CHD6: variants seen among roughly 807,000 people sequenced by gnomAD.
CHD6 encodes ATP-dependent chromatin remodeler CHD6.
Under a neutral mutation model 276.9 loss-of-function variants are expected in CHD6, and 50 were observed. The observed-to-expected ratio is 0.18, with a 90% CI of 0.14 to 0.23. CHD6 has a LOEUF of 0.23. Ranked by LOEUF, CHD6 falls within the 10% of genes least tolerant of loss-of-function variation. The probability of loss-of-function intolerance (pLI) is 1.00; values close to 1 mark genes in which losing one functional copy is unlikely to be tolerated. For synonymous variants in CHD6, 1,173 were observed against 1,229.3 expected (o/e 0.95, Z 0.96); for missense variants, 2,564 against 3,365.8 (o/e 0.76, Z 5.89).
intron 16 of CHD6, chr20:41,482,504 T>C: frequency 2.0e-6 from 1 of 506,978 alleles, no homozygotes; most frequent in South Asian, 1.5e-5. Context: ...AATAAGAACA[T>C]CTGTTAAGAC....
At chr20:41,475,382 A>G (rs1031639464) in intron 16 of CHD6, among the ~76,000 whole-genome samples, 1 of 152,232 alleles carries the variant, frequency 6.6e-6, no homozygotes, top group African/African-American at 2.4e-5. Flanking sequence ...AAGCTTTCAC[A>G]CTGTACCTTA....
intron 22 of CHD6, 43 bp from the exon 23 acceptor site, chr20:41,451,148 G>A: frequency 6.3e-7 from 1 of 1,575,002 alleles, no homozygotes. Flanking sequence ...TAGCCAAGGG[G>A]GGTGTTACAC....
Position 41,455,989 on chromosome 20 carries a change from T to C in CHD6, c.2830-10A>G. On this transcript the variant is annotated splice_polypyrimidine_tract_variant and intron_variant, in intron 18 of 36. Transcript: ENST00000373233. The stretch of plus-strand genomic sequence containing the variant: ...TTGAGAGCTGCTGTACCTGGACAGG[T>C]CACCAAAGGCTACTCACAAAGTGGA... 1.3e-6 allele frequency: 2 copies of C among 1,512,246 alleles called. No individual in the cohort carries two copies. Among genetic ancestry groups the C allele is most frequent in the Non-Finnish European group, 1.8e-6 (2 of 1,130,376 alleles). 93.7% of individuals were successfully genotyped at this position (1,512,246 alleles called of 1,614,324 possible).
At chr20:41,586,588 T>A (rs2045597807) in intron 1 of CHD6, among the ~76,000 whole-genome samples, 1 of 152,132 alleles carries the variant, frequency 6.6e-6, no homozygotes, top group Non-Finnish European at 1.5e-5. Flanking sequence ...CCCACCACCA[T>A]CTTGGGAGCT....
intron 1 of CHD6, 78 bp downstream of exon 1, chr20:41,618,262 G>A (rs1255323299): frequency 6.6e-6 from 1 of 151,916 alleles, no homozygotes; most frequent in Non-Finnish European, 1.5e-5. Flanking sequence ...CGGCCGGCGG[G>A]GCGGGGCCGG....
At chr20:41,612,604 G>T (rs1197510102) in intron 1 of CHD6, among the ~76,000 whole-genome samples, 1 of 152,268 alleles carries the variant, frequency 6.6e-6, no homozygotes, top group Middle Eastern at 3.4e-3. Flanking sequence ...CTATAATAAA[G>T]TCTCTGTGTT....
chr20:41,505,453 C>A (rs890673248), intron 5 of CHD6, among the ~76,000 whole-genome samples: 1 of 152,138 alleles, frequency 6.6e-6, no homozygotes, highest in Non-Finnish European at 1.5e-5. Context: ...CCAGAACAGT[C>A]TCTTTTGTTT....
At position 41,416,689 on chromosome 20, in the gene CHD6, C is replaced by T. The variant is rs776886283; in HGVS notation, c.6385G>A (p.Val2129Ile). The change falls in exon 33 of 37, where the codon GTA (valine) becomes ATA (isoleucine). Residue 2129 changes from valine to isoleucine, a missense_variant. Val to Ile is a conservative substitution (Grantham distance 29, BLOSUM62 3). Around this residue, in one of 7 missense-constraint regions of CHD6, gnomAD observed 1,024 missense variants for 1,047.9 expected, o/e 0.98. Transcript: ENST00000373233. Reference protein sequence around the residue: ...YEPSGTLPTPVLTSSAGSRTS... With the variant: ...YEPSGTLPTPILTSSAGSRTS... ...CGAGAACCAGCACTGCTGGTTAATA[C>T]CGGGGTGGGCAGTGTGCCTGAGGGC... 4.3e-6 allele frequency: 7 copies of T among 1,614,122 alleles called. No individual in the cohort carries two copies. The South Asian group carries it at 4.4e-5, about 10-fold the overall frequency.
At position 41,416,714 on chromosome 20, in the gene CHD6, C is replaced by T. The variant is rs763528899; in HGVS notation, c.6360G>A (p.Glu2120=). ...CCGGGGTGGGCAGTGTGCCTGAGGG[C>T]TCATACTGCTGGCTAGAGGGCCACT... The part of the protein sequence containing the change: ...KGKWPSSQQY[E]PSGTLPTPVL... Residue 2120 remains glutamate (E), a synonymous_variant, in exon 33 of 37, where the codon GAG becomes GAA. Coordinates refer to ENST00000373233, the MANE Select transcript of CHD6 (RefSeq NM_032221.5). 1.2e-6 allele frequency: 2 copies of T among 1,613,724 alleles called. No individual in the cohort carries two copies. The highest frequency in any genetic ancestry group is 1.7e-6 in the Non-Finnish European group (2 of 1,179,852).
intron 1 of CHD6, among the ~76,000 whole-genome samples, chr20:41,588,034 A>G (rs568221263): frequency 7.2e-5 from 11 of 152,160 alleles, no homozygotes; most frequent in South Asian, 4.1e-4. Flanking sequence ...CAGAAGCTAT[A>G]AAGTAGAGGC....
At chr20:41,617,532 C>G (rs2045944856) in intron 1 of CHD6, among the ~76,000 whole-genome samples, 1 of 152,306 alleles carries the variant, frequency 6.6e-6, no homozygotes. Flanking sequence ...TCTGCACATC[C>G]GATAGGCATG....
intron 1 of CHD6, among the ~76,000 whole-genome samples, chr20:41,577,983 C>G (rs924004023): frequency 6.6e-6 from 1 of 152,098 alleles, no homozygotes; most frequent in Non-Finnish European, 1.5e-5. Context: ...ACATAGAAAA[C>G]ACTACATGAG....
chr20:41,466,154 G>C (rs1363725896), intron 17 of CHD6, among the ~76,000 whole-genome samples: 1 of 152,080 alleles, frequency 6.6e-6, no homozygotes, highest in African/African-American at 2.4e-5. Context: ...GTGAGCCGAG[G>C]TTGCGTCACT....
chr20:41,451,796 C>T, intron 22 of CHD6, 30 bp downstream of exon 22: 1 of 1,603,882 alleles, frequency 6.2e-7, no homozygotes, highest in Non-Finnish European at 8.5e-7. Context: ...GGGAATCGTG[C>T]TTCTTAGGCA....
In CHD6 at chr20:41,555,621, G is replaced by T. The variant is rs955493877; in HGVS notation, c.-23-4261C>A. Among the ~76,000 whole-genome samples the T allele has an allele frequency of 6.6e-5, 10 of 150,962 alleles. 1 individual carries two copies. The highest frequency in any genetic ancestry group is 2.4e-4 in the African/African-American group (10 of 41,158). On this transcript the variant is annotated intron_variant, in intron 1 of 36. Coordinates refer to ENST00000373233, the MANE Select transcript of CHD6 (RefSeq NM_032221.5). ...CTCCTCACCTCCCAGACGGGGTCGC[G>T]GCCGGGTAGAGGCACTCCTCACATC...
intron 1 of CHD6, among the ~76,000 whole-genome samples, chr20:41,553,510 CT>C (rs1352407071): frequency 3.9e-5 from 6 of 152,206 alleles, no homozygotes; most frequent in Non-Finnish European, 8.8e-5. Flanking sequence ...CTTCTTTGTT[CT>C]TCCCCACACT....
chr20:41,511,368 T>G (rs1306190022), intron 5 of CHD6, among the ~76,000 whole-genome samples: 1 of 152,198 alleles, frequency 6.6e-6, no homozygotes, highest in Non-Finnish European at 1.5e-5. Flanking sequence ...CACAGCCTGC[T>G]TCTTCTCTTG....
intron 6 of CHD6, among the ~76,000 whole-genome samples, chr20:41,498,541 A>G (rs1359054956): frequency 1.3e-5 from 2 of 152,154 alleles, no homozygotes; most frequent in African/African-American, 4.8e-5. Flanking sequence ...GGAAGTGACT[A>G]CATTCATCTC....
intron 25 of CHD6, among the ~76,000 whole-genome samples, chr20:41,442,182 G>A (rs1157065839): frequency 2.0e-5 from 3 of 152,058 alleles, no homozygotes; most frequent in East Asian, 1.9e-4. Context: ...GCTCATGCCT[G>A]TAATACCAGC....
Sources: gnomAD v4.1 joint callset for allele counts (sites outside exome capture counted in the v4.1 genomes callset) on GRCh38, gnomAD v4.1.1 for gene constraint, gnomAD v4.1.1 regional missense constraint, MANE v1.5 for transcripts, NCBI Gene and HGNC (gene_info 2026-07-23, HGNC 2026-07-21) for gene names.